Variants in HAAO observed in about 807,000 individuals in gnomAD.
The protein encoded by HAAO is 3-hydroxyanthranilate oxygenase.
Under a neutral mutation model 46.2 loss-of-function variants are expected in HAAO, and 49 were observed. That is an observed-to-expected ratio of 1.06 (90% CI 0.84 to 1.34). HAAO has a LOEUF of 1.34. HAAO is among the 40% of genes most tolerant of loss of function. The probability of loss-of-function intolerance (pLI) is 0.00; values close to 1 mark genes in which losing one functional copy is unlikely to be tolerated. For missense variants in HAAO, 408 were observed against 364.5 expected, an observed-to-expected ratio of 1.12 and a Z score of -0.97; for synonymous variants, 157 against 145.2, an observed-to-expected ratio of 1.08 and a Z score of -0.58.
chr2:42,790,875 G>A lies in HAAO; in HGVS notation c.80+1582C>T, dbSNP rs187021459. ...ATCAACTTCACTGAGATGTAATTTA[G>A]GTACATACAGACAATTCTTAAACAA... is the stretch of plus-strand genomic sequence containing the variant. On this transcript the variant is annotated intron_variant, in intron 1 of 9. Transcript: ENST00000294973. Among the ~76,000 whole-genome samples, 256 of 152,160 alleles carry A rather than the reference G, an allele frequency of 1.7e-3. 3 individuals carry two copies. Among genetic ancestry groups the A allele is most frequent in the African/African-American group, 5.9e-3 (245 of 41,492 alleles).
intron 3 of HAAO, 44 bp downstream of exon 3, chr2:42,783,740 G>T (rs779267912): frequency 1.3e-6 from 2 of 1,533,488 alleles, no homozygotes; most frequent in Admixed American, 3.5e-5. Context: ...GATTCCAGCT[G>T]TGGCCGCCTT....
intron 3 of HAAO, among the ~76,000 whole-genome samples, 161 bp from the exon 4 acceptor site, chr2:42,783,581 C>G (rs1171921486): frequency 6.6e-6 from 1 of 152,086 alleles, no homozygotes; most frequent in Non-Finnish European, 1.5e-5. Context: ...CACCAGGGAA[C>G]CAGAGGGAAT....
rs1670728344 is a variant in HAAO, at chr2:42,767,226, C to T, written c.*211G>A. 1.6e-6 allele frequency: 1 copy of T among 612,896 alleles called. No homozygotes were observed. The highest frequency in any genetic ancestry group is 2.9e-6 in the Non-Finnish European group (1 of 340,696). The allele number at this position is 612,896 out of a possible 1,614,324, so 38.0% of individuals were successfully genotyped here. A position where few individuals can be genotyped will look rare whatever the true frequency, so the allele number is the denominator to read the frequency against. ...AGACTGGCAAGGCAGTGGGCTGAGT[C>T]TGCCAGAGAAGATGGGGAGCTGCTG... On this transcript the variant is annotated 3_prime_UTR_variant, in exon 10 of 10. Transcript: ENST00000294973.
At position 42,791,923 on chromosome 2, in the gene HAAO, G is replaced by GT. The variant is rs3040147; in HGVS notation, c.80+533_80+534insA. 4.1e-3 allele frequency among the ~76,000 whole-genome samples: 619 copies of GT among 150,242 alleles called. 4 individuals carry two copies. The highest frequency in any genetic ancestry group is 0.013 in the African/African-American group (515 of 40,818). Reference sequence around the variant, plus strand: ...AGGTGGCCTAGGGAGGGTCTGGTGTGGTGTGTGTGTGTGTGTGTTCGTGCA... The same window carrying GT: ...AGGTGGCCTAGGGAGGGTCTGGTGTGTGTGTGTGTGTGTGTGTGTTCGTGCA... On this transcript the variant is annotated intron_variant, in intron 1 of 9. Transcript: ENST00000294973.
chr2:42,790,904 C>T (rs1672747515), intron 1 of HAAO, among the ~76,000 whole-genome samples: 1 of 152,130 alleles, frequency 6.6e-6, no homozygotes, highest in African/African-American at 2.4e-5. Flanking sequence ...TAAACAACTC[C>T]ACTCAAGAAT....
chr2:42,767,836 AC>A (rs759064711), intron 8 of HAAO, 23 bp downstream of exon 8: 8 of 1,611,564 alleles, frequency 5.0e-6, no homozygotes, highest in Non-Finnish European at 6.8e-6. Flanking sequence ...GGGTTCTGCA[AC>A]CCTGTCCCTG....
chr2:42,778,764 A>G (rs1336110214), intron 4 of HAAO, among the ~76,000 whole-genome samples: 1 of 152,158 alleles, frequency 6.6e-6, no homozygotes, highest in African/African-American at 2.4e-5. Context: ...AGGGACTATC[A>G]TGTAAGAGAT....
intron 4 of HAAO, among the ~76,000 whole-genome samples, chr2:42,781,365 G>A (rs541041539): frequency 6.6e-6 from 1 of 152,250 alleles, no homozygotes; most frequent in South Asian, 2.1e-4. Context: ...TATCTTCCCT[G>A]TATAGGGTTT....
Position 42,770,721 on chromosome 2 carries a change from C to T in HAAO, c.351-139G>A. ...CACCCCTGTTACACACCCTAGTGGT[C>T]ACTGGTCACTTAACACCTTGCTCTT... On this transcript the variant is annotated intron_variant, in intron 4 of 9. Coordinates refer to ENST00000294973, the MANE Select transcript of HAAO (RefSeq NM_012205.3). 5 of 546,296 alleles carry T rather than the reference C, an allele frequency of 9.2e-6. No individual in the cohort carries two copies. The South Asian group carries it at 1.3e-4, about 15-fold the overall frequency. The allele number at this position is 546,296 out of a possible 1,614,324, so 33.8% of individuals were successfully genotyped here.
At chr2:42,775,246 GAAA>G (rs34025268) in intron 4 of HAAO, among the ~76,000 whole-genome samples, 3 of 69,182 alleles carry the variant, frequency 4.3e-5, no homozygotes, top group Non-Finnish European at 5.3e-5. Flanking sequence ...GACTGTCATG[GAAA>G]AAAAAAAAAA....
In HAAO at chr2:42,772,903, G is replaced by A. The variant is rs566282698; in HGVS notation, c.351-2321C>T. Among the ~76,000 whole-genome samples the A allele has an allele frequency of 2.6e-4, 38 of 148,398 alleles. 1 individual carries two copies. Among genetic ancestry groups the A allele is most frequent in the East Asian group, 2.0e-3 (10 of 5,114 alleles). The stretch of plus-strand genomic sequence containing the variant: ...AATGATCACGCCACTGCATTCCAGC[G>A]TGGGTGATAGATAGAGTGAGCCCCC... On this transcript the variant is annotated intron_variant, in intron 4 of 9. Coordinates refer to ENST00000294973, the MANE Select transcript of HAAO (RefSeq NM_012205.3).
chr2:42,780,184 C>G (rs1165480061), intron 4 of HAAO, among the ~76,000 whole-genome samples: 4 of 151,022 alleles, frequency 2.6e-5, no homozygotes, highest in Non-Finnish European at 4.4e-5. Flanking sequence ...ATAATCAGCT[C>G]TAGAACACAG....
In HAAO at chr2:42,792,497, T is replaced by A; in HGVS notation, c.40A>T (p.Asn14Tyr). The change falls in exon 1 of 10, where the codon AAC becomes TAC. Residue 14 changes from asparagine (N) to tyrosine (Y), a missense_variant. By Grantham distance (143) the Asn-to-Tyr change is moderately radical. Transcript: ENST00000294973. ...RLGVRAWVKE[N>Y]RGSFQPPVCN... The stretch of plus-strand genomic sequence containing the variant: ...ACCGGGGGCTGGAAGGAGCCCCGGT[T>A]CTCCTTCACCCAGGCCCTCACTCCC... 2 of 1,593,986 alleles carry A rather than the reference T, an allele frequency of 1.3e-6. No homozygotes were observed. The highest frequency in any genetic ancestry group is 1.7e-6 in the Non-Finnish European group (2 of 1,170,758).
chr2:42,772,933 CA>C (rs530541628), intron 4 of HAAO, among the ~76,000 whole-genome samples: 5,754 of 92,418 alleles, frequency 0.062, 270 homozygotes, highest in Admixed American at 0.21. Flanking sequence ...GCCCCCATAT[CA>C]AAAAAAAAAA....
chr2:42,777,322 A>G (rs1460030657), intron 4 of HAAO, among the ~76,000 whole-genome samples: 9 of 148,246 alleles, frequency 6.1e-5, no homozygotes, highest in Non-Finnish European at 1.2e-4. Flanking sequence ...AAAAAAAAAA[A>G]AGAAGAAAGA....
Position 42,783,795 on chromosome 2 carries a change from G to A in HAAO, c.232C>T (p.Arg78Trp), listed in dbSNP as rs138265146. 1.2e-5 allele frequency: 20 copies of A among 1,612,120 alleles called. No homozygotes were observed. The South Asian group carries it at 1.7e-4, about 13-fold the overall frequency. Residue 78 changes from arginine (R) to tryptophan (W), a missense_variant, in exon 3 of 10, where the codon CGG becomes TGG. By Grantham distance (101) the Arg-to-Trp change is moderately radical. Coordinates refer to ENST00000294973, the MANE Select transcript of HAAO (RefSeq NM_012205.3). The part of the protein sequence containing the change: ...EQGKHRDVVI[R>W]QGEIFLLPAR... ...GGATCCGGCCTCACCTCTCCCTGCC[G>A]AATGACCACATCCCGGTGTTTCCCT...
chr2:42,786,183 G>A (rs918080992), intron 2 of HAAO, among the ~76,000 whole-genome samples: 2 of 152,088 alleles, frequency 1.3e-5, no homozygotes, highest in Non-Finnish European at 2.9e-5. Context: ...TTACTGGGCA[G>A]GCTATACGAT....
chr2:42,782,802 C>A (rs1672104157), intron 4 of HAAO: 7 of 395,578 alleles, frequency 1.8e-5, no homozygotes, highest in Non-Finnish European at 3.1e-5. Flanking sequence ...TTTGAGTCTT[C>A]CCACCTTTGC....
chr2:42,776,822 C>T (rs920266699), intron 4 of HAAO, among the ~76,000 whole-genome samples: 16 of 149,960 alleles, frequency 1.1e-4, no homozygotes, highest in Admixed American at 2.0e-4. Flanking sequence ...TTAGTAGAGA[C>T]GGGGTTTCAC....
Sources: allele counts gnomAD v4.1 joint callset (sites outside exome capture counted in the v4.1 genomes callset), GRCh38; gene constraint gnomAD v4.1.1; transcripts MANE v1.5; gene names NCBI Gene and HGNC (gene_info 2026-07-23, HGNC 2026-07-21).